TTC1: variants seen among roughly 807,000 people sequenced by gnomAD.
The protein encoded by TTC1 is tetratricopeptide repeat domain 1, also known as tetratricopeptide repeat protein 1.
In TTC1, 31 loss-of-function variants were observed where a neutral mutation model predicts 37.6. The observed-to-expected ratio is 0.82, with a 90% confidence interval of 0.62 to 1.11. TTC1 has a LOEUF of 1.11. Among genes scored for constraint, TTC1 ranks in the 50% most tolerant of loss-of-function variants. TTC1 has a pLI of 0.00. For synonymous variants in TTC1, 127 were observed against 122.4 expected (o/e 1.04, Z -0.25); for missense variants, 351 against 339.0 (o/e 1.04, Z -0.28).
At chr5:160,053,427 G>T (rs1757462159) in intron 7 of TTC1, among the ~76,000 whole-genome samples, 1 of 152,078 alleles carries the variant, frequency 6.6e-6, no homozygotes, top group Non-Finnish European at 1.5e-5. Context: ...AGCCAGGTGT[G>T]CTGGTGTGCA....
chr5:160,021,416 T>G (rs1756702208), intron 2 of TTC1, among the ~76,000 whole-genome samples: 1 of 152,222 alleles, frequency 6.6e-6, no homozygotes, highest in Admixed American at 6.5e-5. Flanking sequence ...AAAAACAACT[T>G]GTTGGGCCGA....
chr5:160,013,923 G>A (rs1756550617), intron 2 of TTC1, among the ~76,000 whole-genome samples: 1 of 151,952 alleles, frequency 6.6e-6, no homozygotes. Context: ...CTTTAGATAG[G>A]GCTATCAATA....
chr5:160,030,434 G>A (rs934675877), intron 2 of TTC1, among the ~76,000 whole-genome samples: 3 of 152,120 alleles, frequency 2.0e-5, no homozygotes, highest in Admixed American at 6.5e-5. Flanking sequence ...GATTTTTCTC[G>A]TCTGTAAAAT....
intron 2 of TTC1, among the ~76,000 whole-genome samples, chr5:160,020,176 G>T (rs1009615985): frequency 3.9e-5 from 6 of 152,032 alleles, no homozygotes; most frequent in Non-Finnish European, 8.8e-5. Context: ...TGATCCGCCC[G>T]CCCCAGCCTC....
chr5:160,017,038 C>CTTT (rs749704203), intron 2 of TTC1, among the ~76,000 whole-genome samples: 1 of 152,108 alleles, frequency 6.6e-6, no homozygotes, highest in Admixed American at 6.6e-5. Context: ...TAAATCTTAA[C>CTTT]TATTTGTGAA....
At chr5:160,062,163 G>T (rs996160938) in intron 7 of TTC1, 46 of 152,248 alleles carry the variant, frequency 3.0e-4, no homozygotes, top group Non-Finnish European at 1.5e-5. Context: ...GTTCAAAGGT[G>T]GCTTGTGGCA....
At position 160,065,286 on chromosome 5, in the gene TTC1, G is replaced by T; in HGVS notation, c.*221G>T. The T allele has an allele frequency of 1.4e-6, 1 of 717,688 alleles. No homozygotes were observed. Among genetic ancestry groups the T allele is most frequent in the South Asian group, 1.5e-5 (1 of 67,554 alleles). The allele number at this position is 717,688 out of a possible 1,614,324, so 44.5% of individuals were successfully genotyped here. ...TGATTTCCATTTTAAGGTGGTGTCTGTGCAGCTGGTGTCCCCGATTCTGGC... is the reference window on the plus strand; with the variant it reads ...TGATTTCCATTTTAAGGTGGTGTCTTTGCAGCTGGTGTCCCCGATTCTGGC... On this transcript the variant is annotated 3_prime_UTR_variant, in exon 8 of 8. Coordinates refer to ENST00000231238, the MANE Select transcript of TTC1 (RefSeq NM_003314.3).
chr5:160,064,699 C>T (rs776065703), intron 7 of TTC1, among the ~76,000 whole-genome samples: 3 of 152,214 alleles, frequency 2.0e-5, no homozygotes, highest in African/African-American at 4.8e-5. Context: ...ACTCCACTCT[C>T]ATCTATGCAA....
chr5:160,030,694 G>C (rs796917086), intron 2 of TTC1, among the ~76,000 whole-genome samples: 6 of 152,224 alleles, frequency 3.9e-5, no homozygotes, highest in African/African-American at 1.4e-4. Flanking sequence ...TAATGTCACT[G>C]TTTCCCCCTA....
At chr5:160,017,087 T>C (rs761554465) in intron 2 of TTC1, among the ~76,000 whole-genome samples, 2 of 152,216 alleles carry the variant, frequency 1.3e-5, no homozygotes, top group Non-Finnish European at 2.9e-5. Context: ...GGAATGGAAT[T>C]TTAGCTAACA....
chr5:160,065,050 A>G lies in TTC1; in HGVS notation c.864A>G (p.Pro288=). The part of the protein sequence containing the change: ...GSYSINFVQN[P]NNNR ...ACTCCATCAATTTCGTTCAAAATCC[A>G]AATAATAACAGATAACAAAGATAAC... The change falls in exon 8 of 8, where the codon CCA becomes CCG. Residue 288 remains proline (P), a synonymous_variant. Transcript: ENST00000231238. 1 of 1,610,856 alleles carries G rather than the reference A, an allele frequency of 6.2e-7. No homozygotes were observed. The highest frequency in any genetic ancestry group is 8.5e-7 in the Non-Finnish European group (1 of 1,179,372).
chr5:160,064,239 G>A (rs1345719137), intron 7 of TTC1, among the ~76,000 whole-genome samples: 1 of 152,182 alleles, frequency 6.6e-6, no homozygotes, highest in Admixed American at 6.5e-5. Flanking sequence ...AAAGTGCTGG[G>A]ATTACAGGCG....
chr5:160,056,071 C>G (rs1310116695), intron 7 of TTC1, among the ~76,000 whole-genome samples: 1 of 152,196 alleles, frequency 6.6e-6, no homozygotes, highest in Non-Finnish European at 1.5e-5. Context: ...TCTGACCATT[C>G]CATGCTCTTC....
chr5:160,033,518 T>C (rs1460530080), intron 2 of TTC1, among the ~76,000 whole-genome samples: 1 of 152,248 alleles, frequency 6.6e-6, no homozygotes, highest in Non-Finnish European at 1.5e-5. Context: ...CCTGTATTAA[T>C]CCATTTTCAC....
Position 160,065,213 on chromosome 5 carries a change from C to G in TTC1, c.*148C>G. ...TAGAGCCCAGTGCTCCCTTGTCCCT[C>G]TTTTATGATCAGGGTGAAATGTACT... On this transcript the variant is annotated 3_prime_UTR_variant, in exon 8 of 8. Coordinates refer to ENST00000231238, the MANE Select transcript of TTC1 (RefSeq NM_003314.3). 4 of 1,086,462 alleles carry G rather than the reference C, an allele frequency of 3.7e-6. No individual in the cohort carries two copies. The highest frequency in any genetic ancestry group is 2.5e-5 in the East Asian group (1 of 39,532). 67.3% of individuals were successfully genotyped at this position (1,086,462 alleles called of 1,614,324 possible).
At position 160,051,159 on chromosome 5, in the gene TTC1, G is replaced by T. The variant is rs1435301169; in HGVS notation, c.721G>T (p.Glu241Ter). The change falls in exon 7 of 8, where the codon GAA (glutamate) becomes TAA (stop). Residue 241 changes from glutamate (E) to a stop codon, truncating the protein, a stop_gained. Coordinates refer to ENST00000231238, the MANE Select transcript of TTC1 (RefSeq NM_003314.3). LOFTEE classifies it high-confidence loss of function. Reference sequence around the variant, plus strand: ...ACCTAAGCAAATTGAAGAACGTAATGAAAGACTAAAAGAAGAGATGTTAGG... The same window carrying T: ...ACCTAAGCAAATTGAAGAACGTAATTAAAGACTAAAAGAAGAGATGTTAGG... ...RLPKQIEERN[E>*]RLKEEMLGKL... The T allele has an allele frequency of 6.2e-7, 1 of 1,603,520 alleles. No individual in the cohort carries two copies. Among genetic ancestry groups the T allele is most frequent in the Admixed American group, 1.7e-5 (1 of 59,388 alleles).
At chr5:160,035,327 TC>T in intron 3 of TTC1, 127 bp downstream of exon 3, 1 of 644,920 alleles carries the variant, frequency 1.6e-6, no homozygotes, top group Non-Finnish European at 2.4e-6. Context: ...CAGTGTTGCT[TC>T]CCAGTACCTT....
intron 2 of TTC1, among the ~76,000 whole-genome samples, chr5:160,013,394 T>C (rs1420684803): frequency 6.6e-6 from 1 of 150,694 alleles, no homozygotes; most frequent in Non-Finnish European, 1.5e-5. Flanking sequence ...AGTTCAACAA[T>C]GACTAAAAAA....
intron 5 of TTC1, among the ~76,000 whole-genome samples, chr5:160,044,931 T>C (rs2113380737): frequency 6.6e-6 from 1 of 152,206 alleles, no homozygotes; most frequent in East Asian, 1.9e-4. Context: ...TTATATTTGG[T>C]ATTTCCTTAT....
Sources: allele counts gnomAD v4.1 joint callset (sites outside exome capture counted in the v4.1 genomes callset), GRCh38; gene constraint gnomAD v4.1.1; transcripts MANE v1.5; gene names NCBI Gene and HGNC (gene_info 2026-07-23, HGNC 2026-07-21).